MYL4: variants seen among roughly 807,000 people sequenced by gnomAD.
The protein encoded by MYL4 is myosin light chain 4, also known as atrial myosin light chain 1.
In MYL4, 16 loss-of-function variants were observed where a neutral mutation model predicts 21.6. The observed-to-expected ratio is 0.74, with a 90% CI of 0.50 to 1.12. MYL4 has a LOEUF of 1.12. Among genes scored for constraint, MYL4 ranks in the 50% most tolerant of loss-of-function variants. MYL4 has a pLI of 0.00. For synonymous variants in MYL4, 82 were observed against 95.7 expected, an observed-to-expected ratio of 0.86 and a Z score of 0.83; for missense variants, 249 against 252.9, an observed-to-expected ratio of 0.98 and a Z score of 0.11.
chr17:47,217,316 G>A (rs1381751589), intron 2 of MYL4, among the ~76,000 whole-genome samples: 1 of 151,984 alleles, frequency 6.6e-6, no homozygotes, highest in Non-Finnish European at 1.5e-5. Context: ...AAATTAGCTG[G>A]GGGTGGTGGC....
chr17:47,201,918 A>G (rs73316024), intron 1 of MYL4, among the ~76,000 whole-genome samples: 1 of 152,138 alleles, frequency 6.6e-6, no homozygotes, highest in Non-Finnish European at 1.5e-5. Context: ...AATTTTAATA[A>G]TATTTAGCTC....
chr17:47,195,444 G>T, the MYL4 span, among the ~76,000 whole-genome samples: 2 of 151,934 alleles, frequency 1.3e-5, no homozygotes, highest in African/African-American at 4.8e-5. Flanking sequence ...GGTCAGGCTG[G>T]CCTCGAACTC....
At chr17:47,199,737 CTTTTT>C (rs33975035), upstream of MYL4, among the ~76,000 whole-genome samples, 3 of 101,274 alleles carry the variant, frequency 3.0e-5, no homozygotes, top group East Asian at 3.5e-4. Flanking sequence ...GTAGTAAAGT[CTTTTT>C]TTTTTTTTTT....
upstream of MYL4, among the ~76,000 whole-genome samples, chr17:47,204,110 T>C (rs922070509): frequency 1.3e-5 from 2 of 152,132 alleles, no homozygotes; most frequent in Non-Finnish European, 2.9e-5. Context: ...GCTGTTACTC[T>C]TACCAACACC....
chr17:47,208,075 T>C (rs1567743918), upstream of MYL4, among the ~76,000 whole-genome samples: 1 of 152,224 alleles, frequency 6.6e-6, no homozygotes, highest in Non-Finnish European at 1.5e-5. Flanking sequence ...AAGTTGTTCA[T>C]CCAGTTTTAG....
At chr17:47,197,447 A>C (rs1448346784), upstream of MYL4, among the ~76,000 whole-genome samples, 1 of 152,170 alleles carries the variant, frequency 6.6e-6, no homozygotes, top group African/African-American at 2.4e-5. Flanking sequence ...TATTGAGACT[A>C]TTCAGAAAAT....
the MYL4 span, among the ~76,000 whole-genome samples, chr17:47,194,030 G>A: frequency 3.3e-5 from 5 of 152,212 alleles, no homozygotes; most frequent in East Asian, 7.7e-4. Flanking sequence ...GATTACAGGC[G>A]TAAGCCACCA....
upstream of MYL4, among the ~76,000 whole-genome samples, chr17:47,207,291 A>G (rs1003189831): frequency 6.6e-6 from 1 of 152,200 alleles, no homozygotes; most frequent in Admixed American, 6.5e-5. Context: ...AGTGAAGAGC[A>G]GTGTGCTACA....
At chr17:47,226,752 G>C (rs181742811), downstream of MYL4, among the ~76,000 whole-genome samples, 48 of 152,294 alleles carry the variant, frequency 3.2e-4, no homozygotes, top group African/African-American at 1.2e-3. Context: ...TTCTTTTATC[G>C]TATGGTGTCT....
the MYL4 span, among the ~76,000 whole-genome samples, chr17:47,194,939 C>CT: frequency 6.6e-6 from 1 of 152,006 alleles, no homozygotes. Context: ...CGGGGTTTTG[C>CT]CATGTTGCTC....
At chr17:47,199,756 T>G (rs1309925847), upstream of MYL4, among the ~76,000 whole-genome samples, 2 of 148,962 alleles carry the variant, frequency 1.3e-5, no homozygotes, top group Non-Finnish European at 3.0e-5. Context: ...TTTTTTTTTT[T>G]TGAGACAGGG....
chr17:47,203,824 A>G (rs1250785361), intron 1 of MYL4, among the ~76,000 whole-genome samples: 2 of 152,198 alleles, frequency 1.3e-5, no homozygotes, highest in Admixed American at 1.3e-4. Flanking sequence ...ATGAGCCCTA[A>G]AACCGAGAAT....
At chr17:47,226,869 T>C (rs1360323885), downstream of MYL4, among the ~76,000 whole-genome samples, 1 of 152,184 alleles carries the variant, frequency 6.6e-6, no homozygotes, top group Non-Finnish European at 1.5e-5. Flanking sequence ...TCTCTCTTTT[T>C]TTTGAAATGG....
chr17:47,221,545 TG>T (rs1731945951), intron 3 of MYL4, 136 bp from the exon 4 acceptor site: 2 of 927,014 alleles, frequency 2.2e-6, no homozygotes, highest in Non-Finnish European at 3.2e-6. Flanking sequence ...GGAGCACTAA[TG>T]GGTGTACCAC....
intron 1 of MYL4, 140 bp from the exon 2 acceptor site, chr17:47,213,659 G>A: frequency 3.6e-6 from 3 of 827,488 alleles, no homozygotes; most frequent in Non-Finnish European, 6.3e-6. Flanking sequence ...CTTAGCACAA[G>A]TCACCTTCCC....
intron 1 of MYL4, among the ~76,000 whole-genome samples, chr17:47,202,261 C>T (rs1254251018): frequency 1.3e-5 from 2 of 152,254 alleles, no homozygotes; most frequent in African/African-American, 4.8e-5. Context: ...GTTGGGATTA[C>T]AGGCATGAGC....
chr17:47,214,602 A>C (rs1598655088), intron 2 of MYL4, among the ~76,000 whole-genome samples: 1 of 152,278 alleles, frequency 6.6e-6, no homozygotes, highest in African/African-American at 2.4e-5. Context: ...GGTAAAACAA[A>C]AAAGCAAAAA....
In MYL4 at chr17:47,222,394, G is replaced by A. The variant is rs1392343207; in HGVS notation, c.502G>A (p.Glu168Lys). ...ACCCACCGCAGGAGAGAAGATGACT[G>A]AGGCTGAAGTGGAGCAGCTGTTAGC... ...VLATLGEKMT[E>K]AEVEQLLAGQ... Residue 168 changes from glutamate to lysine, a missense_variant, in exon 5 of 7, where the codon GAG (glutamate) becomes AAG (lysine). Transcript: ENST00000393450. 1.2e-6 allele frequency: 2 copies of A among 1,614,164 alleles called. No individual in the cohort carries two copies. Among genetic ancestry groups the A allele is most frequent in the Admixed American group, 1.7e-5 (1 of 60,022 alleles).
At chr17:47,215,484 T>A (rs969496161) in intron 2 of MYL4, among the ~76,000 whole-genome samples, 1 of 152,218 alleles carries the variant, frequency 6.6e-6, no homozygotes, top group Non-Finnish European at 1.5e-5. Flanking sequence ...TCATTTGTTT[T>A]TTGGTGAAGA....
Sources: gnomAD v4.1 joint callset for allele counts (sites outside exome capture counted in the v4.1 genomes callset) on GRCh38, gnomAD v4.1.1 for gene constraint, MANE v1.5 for transcripts, NCBI Gene and HGNC (gene_info 2026-07-23, HGNC 2026-07-21) for gene names.